Variants in RPTOR observed in about 807,000 individuals in gnomAD.
RPTOR encodes the protein regulatory associated protein of MTOR complex 1.
RPTOR carries 21 observed loss-of-function variants against 169.9 expected under a neutral mutation model. The observed-to-expected ratio is 0.12, with a 90% CI of 0.09 to 0.18. RPTOR has a LOEUF of 0.18. Ranked by LOEUF, RPTOR falls within the 10% of genes least tolerant of loss-of-function variation. The pLI is 1.00. For synonymous variants in RPTOR, 732 were observed against 753.2 expected (o/e 0.97, Z 0.46); for missense variants, 1,133 against 1,855.9 (o/e 0.61, Z 7.16).
chr17:80,832,855 G>A (rs370124685), intron 9 of RPTOR, among the ~76,000 whole-genome samples: 1 of 152,196 alleles, frequency 6.6e-6, no homozygotes, highest in African/African-American at 2.4e-5. Context: ...ATACTCCTTG[G>A]GTGGTGATGG....
intron 6 of RPTOR, among the ~76,000 whole-genome samples, chr17:80,779,586 C>A (rs1038581114): frequency 2.0e-5 from 3 of 152,146 alleles, no homozygotes; most frequent in African/African-American, 7.2e-5. Context: ...CACTGCCCCT[C>A]CGACACAGTG....
chr17:80,924,015 T>C, intron 23 of RPTOR: 1 of 348,504 alleles, frequency 2.9e-6, no homozygotes. Flanking sequence ...AGCACGGAGT[T>C]ACCTGGCTCT....
intron 11 of RPTOR, among the ~76,000 whole-genome samples, chr17:80,848,574 G>C (rs1443355367): frequency 6.6e-6 from 1 of 152,252 alleles, no homozygotes; most frequent in Non-Finnish European, 1.5e-5. Context: ...GCAGCTGGCT[G>C]TGTGGCCACG....
At chr17:80,873,874 G>A (rs1388299679) in intron 13 of RPTOR, among the ~76,000 whole-genome samples, 6 of 152,180 alleles carry the variant, frequency 3.9e-5, no homozygotes, top group South Asian at 2.1e-4. Context: ...CGTCAGGCCC[G>A]GCAGGACAGC....
chr17:80,884,008 G>A, intron 16 of RPTOR, 36 bp downstream of exon 16: 2 of 1,589,280 alleles, frequency 1.3e-6, no homozygotes, highest in Non-Finnish European at 1.7e-6. Flanking sequence ...CAGTCCTCCT[G>A]GCTGCCGACT....
intron 13 of RPTOR, among the ~76,000 whole-genome samples, chr17:80,858,279 C>G (rs935830992): frequency 6.6e-6 from 1 of 152,234 alleles, no homozygotes; most frequent in Non-Finnish European, 1.5e-5. Context: ...AACTTGGCCT[C>G]TGCCTCGCCC....
intron 21 of RPTOR, among the ~76,000 whole-genome samples, chr17:80,919,691 G>A (rs79068522): frequency 1.2e-3 from 176 of 152,332 alleles, no homozygotes; most frequent in African/African-American, 3.7e-3. Flanking sequence ...TCTTCCAGGC[G>A]TGTTCATGTG....
chr17:80,688,939 A>T (rs556209582), intron 3 of RPTOR, among the ~76,000 whole-genome samples: 1 of 152,166 alleles, frequency 6.6e-6, no homozygotes, highest in Non-Finnish European at 1.5e-5. Flanking sequence ...TCTGCTTTAC[A>T]CAAGGCACCT....
At position 80,744,655 on chromosome 17, in the gene RPTOR, T is replaced by C. The variant is rs867835704; in HGVS notation, c.655-9355T>C. Among the ~76,000 whole-genome samples, 7 of 28,270 alleles carry C rather than the reference T, an allele frequency of 2.5e-4. 1 individual carries two copies. The highest frequency in any genetic ancestry group is 6.8e-4 in the African/African-American group (2 of 2,922). The allele number at this position is 28,270 out of a possible 152,430, so 18.5% of individuals were successfully genotyped here. On this transcript the variant is annotated intron_variant, in intron 5 of 33. Coordinates refer to ENST00000306801, the MANE Select transcript of RPTOR (RefSeq NM_020761.3). ...GCCCTGGCTACTAGCACTCTCCTGG[T>C]TACGAGCACAGCCCTGGCTACTAGC...
intron 1 of RPTOR, among the ~76,000 whole-genome samples, chr17:80,605,725 A>C (rs970051021): frequency 7.9e-5 from 12 of 152,204 alleles, no homozygotes; most frequent in African/African-American, 2.9e-4. Flanking sequence ...AGCACCCAGC[A>C]CAGTGCCTGA....
At chr17:80,775,017 C>T (rs565153012) in intron 6 of RPTOR, among the ~76,000 whole-genome samples, 4 of 152,332 alleles carry the variant, frequency 2.6e-5, no homozygotes, top group Admixed American at 6.5e-5. Context: ...TGTGTCTGTC[C>T]GTCCTCCACT....
At chr17:80,853,997 G>A (rs1251915664) in intron 11 of RPTOR, among the ~76,000 whole-genome samples, 1 of 151,670 alleles carries the variant, frequency 6.6e-6, no homozygotes, top group African/African-American at 2.4e-5. Context: ...AAAAAAAAGT[G>A]TAGAACTTTA....
chr17:80,855,897 A>G (rs1255489473), intron 12 of RPTOR, among the ~76,000 whole-genome samples: 7 of 152,052 alleles, frequency 4.6e-5, no homozygotes, highest in Non-Finnish European at 8.8e-5. Flanking sequence ...CGCAGCACCC[A>G]CCTCGTGGTG....
chr17:80,766,365 A>G (rs1321140501), intron 6 of RPTOR, among the ~76,000 whole-genome samples: 2 of 152,202 alleles, frequency 1.3e-5, no homozygotes, highest in South Asian at 4.1e-4. Context: ...TTTTTAAAAA[A>G]TAGAGACAGG....
At chr17:80,602,292 G>A (rs2065193731) in intron 1 of RPTOR, among the ~76,000 whole-genome samples, 1 of 71,036 alleles carries the variant, frequency 1.4e-5, no homozygotes, top group Admixed American at 1.0e-4. Context: ...CCAGGCAGAG[G>A]GGCTCCTCAC....
chr17:80,885,410 A>G (rs1280037699), intron 17 of RPTOR, among the ~76,000 whole-genome samples: 1 of 152,150 alleles, frequency 6.6e-6, no homozygotes, highest in East Asian at 1.9e-4. Context: ...GCCTGGGAGC[A>G]ACACACACAG....
intron 7 of RPTOR, among the ~76,000 whole-genome samples, chr17:80,795,591 A>G (rs2067093474): frequency 6.6e-6 from 1 of 152,048 alleles, no homozygotes; most frequent in African/African-American, 2.4e-5. Context: ...AAAAGAGACA[A>G]TTAACTGTTA....
chr17:80,666,249 G>A (rs9902199), intron 3 of RPTOR, among the ~76,000 whole-genome samples: 6,803 of 149,944 alleles, frequency 0.045, 499 homozygotes, highest in African/African-American at 0.16. Flanking sequence ...TCCAAAGTTG[G>A]TTTGCCAAAA....
At chr17:80,924,779 C>T (rs1270895877) in intron 23 of RPTOR, among the ~76,000 whole-genome samples, 1 of 152,228 alleles carries the variant, frequency 6.6e-6, no homozygotes, top group African/African-American at 2.4e-5. Flanking sequence ...GCACAGGAGA[C>T]CCCTGGTGCC....
Sources: gnomAD v4.1 joint callset for allele counts (sites outside exome capture counted in the v4.1 genomes callset) on GRCh38, gnomAD v4.1.1 for gene constraint, MANE v1.5 for transcripts, NCBI Gene and HGNC (gene_info 2026-07-23, HGNC 2026-07-21) for gene names.